MBTPS1: variants seen among roughly 807,000 people sequenced by gnomAD.
The protein encoded by MBTPS1 is membrane-bound transcription factor site-1 protease.
In MBTPS1, 94 loss-of-function variants were observed where a neutral mutation model predicts 127.8. The observed-to-expected ratio is 0.74, with a 90% CI of 0.62 to 0.87. The LOEUF (loss-of-function observed/expected upper bound fraction) is 0.87. Ranked by LOEUF, MBTPS1 falls within the 40% of genes least tolerant of loss-of-function variation. MBTPS1 has a pLI of 0.00. For synonymous variants in MBTPS1, 632 were observed against 509.4 expected (o/e 1.24, Z -3.24); for missense variants, 1,636 against 1,353.2 (o/e 1.21, Z -3.28).
intron 9 of MBTPS1, among the ~76,000 whole-genome samples, chr16:84,085,803 T>G (rs556119709): frequency 1.1e-3 from 170 of 151,968 alleles, no homozygotes; most frequent in African/African-American, 3.9e-3. Context: ...CTGCTTTATC[T>G]CTAGATAAGT....
At chr16:84,106,788 G>C (rs965967827) in intron 1 of MBTPS1, among the ~76,000 whole-genome samples, 5 of 152,334 alleles carry the variant, frequency 3.3e-5, no homozygotes, top group Middle Eastern at 3.4e-3. Flanking sequence ...AGAGCCAAGG[G>C]AGAGAAGATG....
In MBTPS1 at chr16:84,059,320, A is replaced by C; in HGVS notation, c.2813T>G (p.Leu938Ter). 2 of 1,614,022 alleles carry C rather than the reference A, an allele frequency of 1.2e-6. No homozygotes were observed. The highest frequency in any genetic ancestry group is 1.7e-6 in the Non-Finnish European group (2 of 1,179,880). Residue 938 changes from leucine (L) to a stop codon, truncating the protein, a stop_gained, in exon 21 of 23, where the codon TTA (leucine) becomes TGA (stop). Transcript: ENST00000343411. LOFTEE classifies it high-confidence loss of function. ...PRLSWAKPQP[L>*]NETAPSNLWK... ...CACTAACCTGGGCGCCGTCTCGTTTAAAGGCTGTGGCTTGGCCCAAGACAA... is the reference window on the plus strand; with the variant it reads ...CACTAACCTGGGCGCCGTCTCGTTTCAAGGCTGTGGCTTGGCCCAAGACAA...
intron 18 of MBTPS1, 72 bp from the exon 19 acceptor site, chr16:84,063,517 A>T (rs1362677864): frequency 7.1e-7 from 1 of 1,411,324 alleles, no homozygotes; most frequent in Non-Finnish European, 9.8e-7. Context: ...CTGATATTTC[A>T]TCCACGTGAC....
intron 1 of MBTPS1, among the ~76,000 whole-genome samples, chr16:84,105,882 CAAAATACCAT>C (rs1441829551): frequency 6.6e-6 from 1 of 152,140 alleles, no homozygotes; most frequent in Non-Finnish European, 1.5e-5. Context: ...GAGTAATGAA[CAAAATACCAT>C]AGAAATCTCT....
chr16:84,110,801 G>C (rs1433837898), intron 1 of MBTPS1: 1 of 152,188 alleles, frequency 6.6e-6, no homozygotes, highest in Non-Finnish European at 1.5e-5. Context: ...TCAGAGGCAG[G>C]TCGCCTGCTT....
intron 8 of MBTPS1, among the ~76,000 whole-genome samples, chr16:84,090,478 A>G (rs2086088753): frequency 6.6e-6 from 1 of 152,056 alleles, no homozygotes; most frequent in African/African-American, 2.4e-5. Context: ...AGAGGCAGAA[A>G]CCTCTTCCGT....
At chr16:84,087,282 G>A (rs2086042209) in intron 9 of MBTPS1, 76 bp downstream of exon 9, 2 of 1,128,056 alleles carry the variant, frequency 1.8e-6, no homozygotes, top group Admixed American at 1.7e-5. Flanking sequence ...ACACCCCAAG[G>A]CTCGTCAACA....
chr16:84,065,916 G>C, intron 17 of MBTPS1, 149 bp from the exon 18 acceptor site: 2 of 518,980 alleles, frequency 3.9e-6, no homozygotes, highest in East Asian at 3.3e-5. Context: ...CTATTGCCTT[G>C]TCACACATAA....
intron 1 of MBTPS1, among the ~76,000 whole-genome samples, chr16:84,105,175 A>C (rs2086306746): frequency 6.6e-6 from 1 of 152,124 alleles, no homozygotes; most frequent in Non-Finnish European, 1.5e-5. Flanking sequence ...AAATAATAAT[A>C]AATGTGGGGT....
chr16:84,084,919 C>A, intron 10 of MBTPS1, 64 bp downstream of exon 10: 2 of 1,557,230 alleles, frequency 1.3e-6, no homozygotes, highest in East Asian at 2.3e-5. Flanking sequence ...GACTCCTGCT[C>A]TGCTGGCACC....
At chr16:84,104,228 T>TTTG (rs34297194) in intron 1 of MBTPS1, among the ~76,000 whole-genome samples, 47,676 of 151,960 alleles carry the variant, frequency 0.31, 8,721 homozygotes, top group East Asian at 0.51. Flanking sequence ...AGGCAGGCTT[T>TTTG]TTGTTGTTGT....
chr16:84,068,158 C>G (rs1363878717), intron 15 of MBTPS1, among the ~76,000 whole-genome samples, 181 bp downstream of exon 15: 1 of 152,246 alleles, frequency 6.6e-6, no homozygotes, highest in Non-Finnish European at 1.5e-5. Context: ...TGTATTTCAG[C>G]TGAATGTCAC....
intron 11 of MBTPS1, among the ~76,000 whole-genome samples, chr16:84,076,032 T>C (rs1189054449): frequency 6.6e-6 from 1 of 152,206 alleles, no homozygotes; most frequent in African/African-American, 2.4e-5. Context: ...ATGATTTAAC[T>C]AGGAAACCAT....
intron 12 of MBTPS1, among the ~76,000 whole-genome samples, chr16:84,071,122 AG>A (rs746953289): frequency 1.2e-4 from 19 of 152,334 alleles, no homozygotes; most frequent in Non-Finnish European, 1.3e-4. Flanking sequence ...CTCAGATTTA[AG>A]GTTATTTCCC....
intron 1 of MBTPS1, among the ~76,000 whole-genome samples, chr16:84,109,231 A>G (rs1186375239): frequency 6.6e-6 from 1 of 152,248 alleles, no homozygotes; most frequent in African/African-American, 2.4e-5. Flanking sequence ...ATGATGGGGA[A>G]GTGTCCAAGG....
chr16:84,082,034 T>C, intron 10 of MBTPS1, 126 bp from the exon 11 acceptor site: 1 of 580,826 alleles, frequency 1.7e-6, no homozygotes, highest in East Asian at 3.5e-5. Context: ...AACAGGTGCT[T>C]GTCTGGCACA....
chr16:84,060,845 C>CTT (rs757950134), intron 19 of MBTPS1, 32 bp from the exon 20 acceptor site: 75 of 1,185,494 alleles, frequency 6.3e-5, no homozygotes, highest in Middle Eastern at 2.2e-4. Context: ...TTAGGAATTC[C>CTT]TTTTTTTTTT....
chr16:84,098,962 A>C, intron 3 of MBTPS1, 91 bp downstream of exon 3: 1 of 1,218,998 alleles, frequency 8.2e-7, no homozygotes, highest in Admixed American at 2.0e-5. Flanking sequence ...AAGGATGCGG[A>C]TACTCACTGT....
chr16:84,060,568 C>G (rs542027146), intron 20 of MBTPS1, 114 bp downstream of exon 20: 1 of 1,242,544 alleles, frequency 8.0e-7, no homozygotes, highest in East Asian at 2.4e-5. Context: ...GAAAACCACT[C>G]AGCGGCGCAC....
Sources: gnomAD v4.1 joint callset for allele counts (sites outside exome capture counted in the v4.1 genomes callset) on GRCh38, gnomAD v4.1.1 for gene constraint, MANE v1.5 for transcripts, NCBI Gene and HGNC (gene_info 2026-07-23, HGNC 2026-07-21) for gene names.